The following CNTN4 variants were observed in gnomAD, a reference collection of about 807,000 sequenced individuals.
CNTN4 encodes the protein contactin 4.
A neutral mutation model predicts 122.5 loss-of-function variants in CNTN4; 77 were observed. The ratio of observed to expected loss-of-function variants is 0.63; its 90% CI spans 0.52 to 0.76. The LOEUF is 0.76. CNTN4 is among the 30% of genes least tolerant of loss of function. The pLI is 0.00. For missense variants in CNTN4, 1,256 were observed against 1,259.1 expected, an observed-to-expected ratio of 1.00 and a Z score of 0.04; for synonymous variants, 512 against 447.0, an observed-to-expected ratio of 1.15 and a Z score of -1.83.
intron 4 of CNTN4, among the ~76,000 whole-genome samples, chr3:2,708,400 T>C (rs1317642120): frequency 6.6e-6 from 1 of 152,158 alleles, no homozygotes; most frequent in Non-Finnish European, 1.5e-5. Flanking sequence ...TATAATTATC[T>C]GGAAAGATAG....
intron 10 of CNTN4, among the ~76,000 whole-genome samples, chr3:2,899,219 G>T (rs984626684): frequency 1.3e-5 from 2 of 152,148 alleles, no homozygotes; most frequent in African/African-American, 4.8e-5. Context: ...TTCTAGTTTT[G>T]TTTATTATTG....
chr3:2,669,245 A>G (rs1414247293), intron 4 of CNTN4, among the ~76,000 whole-genome samples: 2 of 152,108 alleles, frequency 1.3e-5, no homozygotes, highest in African/African-American at 2.4e-5. Context: ...TTGGTAAGCT[A>G]TTAATTATTG....
chr3:2,994,660 A>G (rs1203155062), intron 14 of CNTN4, among the ~76,000 whole-genome samples: 1 of 151,362 alleles, frequency 6.6e-6, no homozygotes, highest in Non-Finnish European at 1.5e-5. Context: ...TATCTACAGC[A>G]TTACTATTGC....
chr3:2,534,054 T>A (rs2077703531), intron 3 of CNTN4, among the ~76,000 whole-genome samples: 1 of 152,150 alleles, frequency 6.6e-6, no homozygotes, highest in Admixed American at 6.5e-5. Context: ...ATGCTGTAGG[T>A]TGCCTGTTCA....
At chr3:2,243,816 G>A (rs1468064894) in intron 2 of CNTN4, among the ~76,000 whole-genome samples, 1 of 152,022 alleles carries the variant, frequency 6.6e-6, no homozygotes, top group Non-Finnish European at 1.5e-5. Flanking sequence ...GCATTTGATA[G>A]AGTAATCAGT....
intron 7 of CNTN4, among the ~76,000 whole-genome samples, chr3:2,840,853 T>G (rs1331538102): frequency 6.6e-6 from 1 of 152,094 alleles, no homozygotes; most frequent in Non-Finnish European, 1.5e-5. Context: ...TCTAGCAATT[T>G]GCTGTGTGAC....
At chr3:2,798,713 G>A (rs1350226149) in intron 6 of CNTN4, among the ~76,000 whole-genome samples, 2 of 152,112 alleles carry the variant, frequency 1.3e-5, no homozygotes, top group African/African-American at 4.8e-5. Context: ...GCCTTGTCAT[G>A]TTGTCCAGGC....
At chr3:2,960,291 A>C (rs2094839497) in intron 13 of CNTN4, among the ~76,000 whole-genome samples, 2 of 152,214 alleles carry the variant, frequency 1.3e-5, no homozygotes. Context: ...ATGCCCCTTT[A>C]AAAGAGCATT....
intron 4 of CNTN4, among the ~76,000 whole-genome samples, chr3:2,582,587 G>C (rs2079994040): frequency 6.6e-6 from 1 of 152,176 alleles, no homozygotes. Flanking sequence ...TCCTCAGAGA[G>C]TGAACTCTCT....
chr3:2,642,868 G>C (rs776468478), intron 4 of CNTN4, among the ~76,000 whole-genome samples: 1 of 152,098 alleles, frequency 6.6e-6, no homozygotes, highest in Non-Finnish European at 1.5e-5. Flanking sequence ...TGTTCTGATT[G>C]TTTGGGTCTC....
intron 3 of CNTN4, among the ~76,000 whole-genome samples, chr3:2,395,742 C>T (rs767051239): frequency 6.6e-6 from 1 of 152,072 alleles, no homozygotes; most frequent in Non-Finnish European, 1.5e-5. Flanking sequence ...AGAGTAATGG[C>T]CTCCAACTGT....
At chr3:3,038,782 G>A in intron 18 of CNTN4, 151 bp from the exon 19 acceptor site, 1 of 530,546 alleles carries the variant, frequency 1.9e-6, no homozygotes, top group Non-Finnish European at 3.3e-6. Context: ...GGTCGCCGTG[G>A]GCCCCTTGAC....
At chr3:2,206,051 G>A (rs2038327127) in intron 2 of CNTN4, among the ~76,000 whole-genome samples, 1 of 152,018 alleles carries the variant, frequency 6.6e-6, no homozygotes, top group South Asian at 2.1e-4. Context: ...AGGTGAGAGT[G>A]TTTCACCTTT....
At chr3:2,241,762 T>C (rs1341450954) in intron 2 of CNTN4, among the ~76,000 whole-genome samples, 1 of 152,196 alleles carries the variant, frequency 6.6e-6, no homozygotes, top group Admixed American at 6.5e-5. Flanking sequence ...CATGCTCTTC[T>C]AAGCAATCCA....
chr3:2,192,064 CT>C (rs1039440741), intron 2 of CNTN4, among the ~76,000 whole-genome samples: 3 of 151,700 alleles, frequency 2.0e-5, no homozygotes, highest in African/African-American at 7.3e-5. Flanking sequence ...TGAACTCATC[CT>C]TTTTTATGGC....
At chr3:2,421,460 C>T (rs1300348868) in intron 3 of CNTN4, among the ~76,000 whole-genome samples, 2 of 152,162 alleles carry the variant, frequency 1.3e-5, no homozygotes, top group East Asian at 1.9e-4. Flanking sequence ...CCATGTTGGC[C>T]AGGCTGATCT....
At chr3:3,026,022 C>A in intron 14 of CNTN4, 80 bp from the exon 15 acceptor site, 1 of 1,332,662 alleles carries the variant, frequency 7.5e-7, no homozygotes, top group Non-Finnish European at 1.1e-6. Flanking sequence ...TTTCATCCTG[C>A]TCTTGGAGTC....
rs1283533480 is a variant in CNTN4 at position 2,282,339 on chromosome 3, A to ATACAGCTTATTT, written c.-144-56837_-144-56836insCAGCTTATTTTA. ...CTAAGGCATCTTCCTTAAAATAAGC[A>ATACAGCTTATTT]TATATAAATGACCTTTAATGTATAC... On this transcript the variant is annotated intron_variant, in intron 2 of 24. Transcript: ENST00000418658. Among the ~76,000 whole-genome samples the ATACAGCTTATTT allele has an allele frequency of 2.8e-4, 43 of 151,396 alleles. 1 individual carries two copies. In the South Asian group the frequency reaches 8.3e-3, roughly 29 times the overall value.
intron 4 of CNTN4, among the ~76,000 whole-genome samples, chr3:2,657,376 A>G (rs2083640404): frequency 6.6e-6 from 1 of 152,288 alleles, no homozygotes; most frequent in East Asian, 1.9e-4. Context: ...TGGGTAATGG[A>G]ACTTGTAAAT....
Sources: gnomAD v4.1 joint callset for allele counts (sites outside exome capture counted in the v4.1 genomes callset) on GRCh38, gnomAD v4.1.1 for gene constraint, MANE v1.5 for transcripts, NCBI Gene and HGNC (gene_info 2026-07-23, HGNC 2026-07-21) for gene names.